The following HERC2 variants were observed in gnomAD, a reference collection of about 807,000 sequenced individuals.
HERC2 encodes E3 ubiquitin-protein ligase HERC2.
HERC2 carries 102 observed loss-of-function variants against 537.7 expected under a neutral mutation model. That is an observed-to-expected ratio of 0.19 (90% CI 0.16 to 0.22). The LOEUF (loss-of-function observed/expected upper bound fraction) is 0.22. Among genes scored for constraint, HERC2 ranks in the 10% least tolerant of loss-of-function variants. HERC2 has a pLI of 1.00. For missense variants in HERC2, 4,236 were observed against 6,198.2 expected (o/e 0.68, Z 10.63); for synonymous variants, 2,224 against 2,466.2 (o/e 0.90, Z 2.91).
chr15:28,158,487 G>A (rs933245065), intron 69 of HERC2, among the ~76,000 whole-genome samples: 12 of 152,160 alleles, frequency 7.9e-5, no homozygotes, highest in African/African-American at 2.9e-4. Flanking sequence ...TTACCATTAT[G>A]TAATGGCCTT....
At chr15:28,275,738 G>A (rs745895518) in intron 5 of HERC2, among the ~76,000 whole-genome samples, 10 of 151,710 alleles carry the variant, frequency 6.6e-5, no homozygotes, top group African/African-American at 1.7e-4. Flanking sequence ...AGCCAAGATC[G>A]CGCCACTGCA....
At chr15:28,209,769 A>T (rs1898931494) in intron 44 of HERC2, among the ~76,000 whole-genome samples, 1 of 152,200 alleles carries the variant, frequency 6.6e-6, no homozygotes, top group Non-Finnish European at 1.5e-5. Flanking sequence ...CTTGGAACTC[A>T]TCCCCATGGA....
chr15:28,201,637 T>C (rs1897921780), intron 47 of HERC2, 83 bp from the exon 48 acceptor site: 2 of 889,098 alleles, frequency 2.2e-6, no homozygotes, highest in Non-Finnish European at 3.7e-6. Context: ...GTGAAATCTA[T>C]AATATTAAAA....
At chr15:28,273,138 G>A (rs887997755) in intron 7 of HERC2, 134 bp from the exon 8 acceptor site, 10 of 688,178 alleles carry the variant, frequency 1.5e-5, no homozygotes, top group African/African-American at 8.9e-5. Flanking sequence ...TCAAGTTTCT[G>A]ATACTTGCTA....
chr15:28,240,616 C>T (rs1903004381), intron 23 of HERC2, among the ~76,000 whole-genome samples: 1 of 152,056 alleles, frequency 6.6e-6, no homozygotes, highest in South Asian at 2.1e-4. Context: ...GTATTCATTT[C>T]TCAAAAAGCA....
intron 2 of HERC2, among the ~76,000 whole-genome samples, chr15:28,301,733 GTGTATATATATATATATATA>G (rs1402714014): frequency 0.016 from 489 of 30,892 alleles, 15 homozygotes; most frequent in African/African-American, 0.045. Flanking sequence ...TTGTATGTAT[GTGTATATATATATATATATA>G]TATATATATA....
chr15:28,208,775 C>A (rs1425488726), intron 44 of HERC2, among the ~76,000 whole-genome samples: 1 of 152,208 alleles, frequency 6.6e-6, no homozygotes, highest in African/African-American at 2.4e-5. Context: ...CCACAGCCTT[C>A]AAAGGCTGCC....
chr15:28,210,910 C>T, intron 44 of HERC2, 92 bp downstream of exon 44: 1 of 1,067,424 alleles, frequency 9.4e-7, no homozygotes, highest in African/African-American at 1.6e-5. Flanking sequence ...TATAAGCCAC[C>T]TATGTCCATT....
At position 28,233,756 on chromosome 15, in the gene HERC2, T is replaced by C. The variant is rs1292495024; in HGVS notation, c.4259A>G (p.His1420Arg). The change falls in exon 28 of 93, where the codon CAT becomes CGT. Residue 1420 changes from histidine to arginine, a missense_variant. His to Arg is a conservative substitution (Grantham distance 29, BLOSUM62 0). Around this residue, in one of 27 missense-constraint regions of HERC2, gnomAD observed 94 missense variants for 174.9 expected, o/e 0.54. Coordinates refer to ENST00000261609, the MANE Select transcript of HERC2 (RefSeq NM_004667.6). ...CQIERYCRQC[H>R]LTTPIMFPPE... ...GGGAAACATGATCGGTGTGGTCAAATGGCACTGCCTACAGTACCTTTCTAT... is the reference window on the plus strand; with the variant it reads ...GGGAAACATGATCGGTGTGGTCAAACGGCACTGCCTACAGTACCTTTCTAT... The C allele has an allele frequency of 2.5e-6, 4 of 1,612,632 alleles. No individual in the cohort carries two copies. The highest frequency in any genetic ancestry group is 3.4e-6 in the Non-Finnish European group (4 of 1,179,302).
At chr15:28,262,068 G>A (rs76342700) in intron 15 of HERC2, among the ~76,000 whole-genome samples, 1,739 of 152,222 alleles carry the variant, frequency 0.011, 29 homozygotes, top group African/African-American at 0.04. Context: ...CCACCCCTGA[G>A]AGAAGAGAAC....
Position 28,113,701 on chromosome 15 carries a change from C to T in HERC2, c.13914-23G>A, listed in dbSNP as rs375797517. The stretch of plus-strand genomic sequence containing the variant: ...AGTCTGGAAGAAAAAGCTCACTTTA[C>T]ACTTCTGTCTTCAGTGACACTGACT... On this transcript the variant is annotated intron_variant, in intron 90 of 92. Coordinates refer to ENST00000261609, the MANE Select transcript of HERC2 (RefSeq NM_004667.6). The surrounding 1 kb of genome is among the most constrained non-coding windows in gnomAD (Gnocchi z 7.0). 1.3e-6 allele frequency: 2 copies of T among 1,588,026 alleles called. No homozygotes were observed. The highest frequency in any genetic ancestry group is 2.7e-5 in the African/African-American group (2 of 74,516).
chr15:28,150,471 T>C (rs916371126), intron 70 of HERC2, among the ~76,000 whole-genome samples: 1 of 134,010 alleles, frequency 7.5e-6, no homozygotes, highest in Non-Finnish European at 1.6e-5. Context: ...TCTAGTGAAA[T>C]TACCAAAAAA....
chr15:28,284,434 G>A (rs1252236476), intron 4 of HERC2, among the ~76,000 whole-genome samples: 1 of 151,908 alleles, frequency 6.6e-6, no homozygotes, highest in East Asian at 1.9e-4. Context: ...CAGTCTAAAT[G>A]CATCAATTAA....
intron 9 of HERC2, among the ~76,000 whole-genome samples, chr15:28,271,452 AG>A (rs1276960172): frequency 1.3e-5 from 2 of 152,166 alleles, no homozygotes; most frequent in African/African-American, 4.8e-5. Flanking sequence ...GCGGATCACA[AG>A]GTCGAGAGAT....
At chr15:28,271,936 C>G in intron 9 of HERC2, 1 of 463,412 alleles carries the variant, frequency 2.2e-6, no homozygotes, top group Non-Finnish European at 3.8e-6. Flanking sequence ...GAAGGACCAA[C>G]AAAGCAGGCC....
intron 44 of HERC2, among the ~76,000 whole-genome samples, chr15:28,209,688 G>A (rs900323947): frequency 1.4e-4 from 22 of 152,106 alleles, no homozygotes; most frequent in African/African-American, 5.3e-4. Context: ...ATGTACATAG[G>A]TTATATGCAA....
intron 69 of HERC2, among the ~76,000 whole-genome samples, chr15:28,158,390 T>C (rs1399361544): frequency 6.6e-6 from 1 of 152,086 alleles, no homozygotes; most frequent in Non-Finnish European, 1.5e-5. Flanking sequence ...TGTGGGTCTC[T>C]AAGGACTTGC....
At chr15:28,191,904 T>G in intron 53 of HERC2, 57 bp downstream of exon 53, 3 of 1,497,880 alleles carry the variant, frequency 2.0e-6, no homozygotes, top group Non-Finnish European at 2.7e-6. Context: ...TTTGAAAATG[T>G]ACAAGGCAAA....
At chr15:28,151,093 C>T (rs1045077584) in intron 70 of HERC2, among the ~76,000 whole-genome samples, 2 of 152,122 alleles carry the variant, frequency 1.3e-5, no homozygotes, top group Admixed American at 6.6e-5. Flanking sequence ...AGGGCATATT[C>T]TAAGATTTTT....
Sources: gnomAD v4.1 joint callset for allele counts (sites outside exome capture counted in the v4.1 genomes callset) on GRCh38, gnomAD v4.1.1 for gene constraint, gnomAD v4.1.1 regional missense constraint, Gnocchi (gnomAD v3.1) non-coding constraint, MANE v1.5 for transcripts, NCBI Gene and HGNC (gene_info 2026-07-23, HGNC 2026-07-21) for gene names.